ANAPC11: variants seen among roughly 807,000 people sequenced by gnomAD.
ANAPC11 encodes the protein anaphase promoting complex subunit 11.
Under a neutral mutation model 11.8 loss-of-function variants are expected in ANAPC11, and 5 were observed. That is an observed-to-expected ratio of 0.42 (90% CI 0.22 to 0.89). The LOEUF is 0.89. Ranked by LOEUF, ANAPC11 falls within the 40% of genes least tolerant of loss-of-function variation. The probability of loss-of-function intolerance (pLI) is 0.28; values close to 1 mark genes in which losing one functional copy is unlikely to be tolerated. For missense variants in ANAPC11, 68 were observed against 112.9 expected (o/e 0.60, Z 1.80); for synonymous variants, 45 against 41.0 (o/e 1.10, Z -0.38).
chr17:81,899,235 G>C (rs773005506), intron 3 of ANAPC11: 8 of 1,609,724 alleles, frequency 5.0e-6, no homozygotes, highest in African/African-American at 1.3e-5. Flanking sequence ...ATCCCTCTCT[G>C]TGTCAGGTCC....
upstream of ANAPC11, chr17:81,890,800 C>T (rs371512387): frequency 8.7e-6 from 14 of 1,614,032 alleles, no homozygotes; most frequent in Admixed American, 1.7e-4. Flanking sequence ...CGTGCTGCCA[C>T]TTGTCGGGAA....
intron 3 of ANAPC11, among the ~76,000 whole-genome samples, chr17:81,895,613 G>A (rs922175265): frequency 1.3e-4 from 20 of 152,062 alleles, no homozygotes; most frequent in Non-Finnish European, 2.9e-4. Context: ...GATGGAGGCC[G>A]GCACGGTGGC....
chr17:81,894,901 A>AGAGAC (rs1486984894), intron 3 of ANAPC11: 1 of 279,836 alleles, frequency 3.6e-6, no homozygotes, highest in African/African-American at 2.2e-5. Flanking sequence ...TATTTTTAGT[A>AGAGAC]GAGACGGGGT....
At chr17:81,893,222 A>G (rs955127904) in intron 1 of ANAPC11, 3 of 152,108 alleles carry the variant, frequency 2.0e-5, no homozygotes, top group Non-Finnish European at 4.4e-5. Context: ...CCTCCCGAGT[A>G]GCTGGGATTA....
intron 3 of ANAPC11, among the ~76,000 whole-genome samples, chr17:81,896,058 C>G (rs1044223786): frequency 2.0e-5 from 3 of 152,220 alleles, no homozygotes; most frequent in Non-Finnish European, 4.4e-5. Flanking sequence ...CCAAGGCAGG[C>G]GGATTGCTTC....
chr17:81,891,653 C>T (rs955582034), upstream of ANAPC11: 1 of 1,257,224 alleles, frequency 8.0e-7, no homozygotes, highest in South Asian at 1.6e-5. Flanking sequence ...GTGCCACGGC[C>T]TCGGAGCGGC....
Position 81,894,622 on chromosome 17 carries a change from A to C in ANAPC11, c.109+36A>C, listed in dbSNP as rs1212195224. 2.1e-6 allele frequency: 3 copies of C among 1,452,158 alleles called. No homozygotes were observed. In the South Asian group the frequency reaches 3.6e-5, roughly 17 times the overall value. 90.0% of individuals were successfully genotyped at this position (1,452,158 alleles called of 1,614,324 possible). On this transcript the variant is annotated intron_variant, in intron 3 of 3. Coordinates refer to ENST00000344877, the MANE Select transcript of ANAPC11 (RefSeq NM_001002248.3). ...CCTCCATGCTGTCTGAGCGGCCCCGACTGTGAGTGTCCCCTCTGTGCTGTC... is the reference window on the plus strand; with the variant it reads ...CCTCCATGCTGTCTGAGCGGCCCCGCCTGTGAGTGTCCCCTCTGTGCTGTC...
At position 81,896,432 on chromosome 17, in the gene ANAPC11, G is replaced by T. The variant is rs377165824; in HGVS notation, c.109+1846G>T. Among the ~76,000 whole-genome samples the T allele has an allele frequency of 7.2e-5, 11 of 152,054 alleles. No homozygotes were observed. In the East Asian group the frequency reaches 1.5e-3, roughly 21 times the overall value. ...AGTGAAACTCCATCTCAAAAAAAAA[G>T]AAAAAAAGTGGAAATGTTTGATTAT... On this transcript the variant is annotated intron_variant, in intron 3 of 3. Coordinates refer to ENST00000344877, the MANE Select transcript of ANAPC11 (RefSeq NM_001002248.3).
Position 81,900,174 on chromosome 17 carries a change from G to C in ANAPC11, c.*109G>C. On this transcript the variant is annotated 3_prime_UTR_variant, in exon 4 of 4. Transcript: ENST00000344877. Reference sequence around the variant, plus strand: ...GAGCTGCAACAAGGTGGAAACAAGGGCTGGAGCTGCGTTTGTTTTGCCATC... The same window carrying C: ...GAGCTGCAACAAGGTGGAAACAAGGCCTGGAGCTGCGTTTGTTTTGCCATC... The C allele has an allele frequency of 6.7e-7, 1 of 1,502,848 alleles. No individual in the cohort carries two copies. The highest frequency in any genetic ancestry group is 9.0e-7 in the Non-Finnish European group (1 of 1,112,976). 93.1% of individuals were successfully genotyped at this position (1,502,848 alleles called of 1,614,324 possible).
intron 3 of ANAPC11, chr17:81,899,092 A>G (rs977290614): frequency 2.4e-6 from 2 of 849,934 alleles, no homozygotes; most frequent in Admixed American, 2.8e-5. Context: ...CAGCTCCACA[A>G]TGCCAGGCCG....
upstream of ANAPC11, chr17:81,891,610 C>A (rs759148441): frequency 1.5e-6 from 2 of 1,370,196 alleles, no homozygotes; most frequent in South Asian, 2.7e-5. Context: ...AGCACGCCGG[C>A]ACGTCACTTC....
rs575613263 is a variant in ANAPC11, at chr17:81,894,296, C to T, written c.-11-171C>T. On this transcript the variant is annotated intron_variant, in intron 2 of 3. Transcript: ENST00000344877. The stretch of plus-strand genomic sequence containing the variant: ...AAAGTAAAATAAAATAGAAACAGGG[C>T]TCACGATGTTTCCCAGGCTGGGTTC... 23 of 402,702 alleles carry T rather than the reference C, an allele frequency of 5.7e-5. No homozygotes were observed. The South Asian group carries it at 2.4e-3, about 42-fold the overall frequency. 24.9% of individuals were successfully genotyped at this position (402,702 alleles called of 1,614,324 possible).
intron 3 of ANAPC11, 88 bp from the exon 4 acceptor site, chr17:81,899,832 G>A: frequency 1.5e-6 from 2 of 1,352,632 alleles, no homozygotes; most frequent in Non-Finnish European, 2.0e-6. Context: ...CACTGCCCAG[G>A]GTCCCTACCT....
At chr17:81,899,697 G>T in intron 3 of ANAPC11, 1 of 1,029,982 alleles carries the variant, frequency 9.7e-7, no homozygotes, top group South Asian at 1.7e-5. Context: ...CCGGGTGGAG[G>T]CCGCATGTCC....
intron 3 of ANAPC11, chr17:81,899,440 C>A (rs1205911709): frequency 1.2e-6 from 2 of 1,614,016 alleles, no homozygotes; most frequent in Non-Finnish European, 1.7e-6. Context: ...GATCAAGAGA[C>A]CAGTTCACTA....
chr17:81,899,829 C>T (rs761478492), intron 3 of ANAPC11, 91 bp from the exon 4 acceptor site: 28 of 1,325,066 alleles, frequency 2.1e-5, no homozygotes, highest in Non-Finnish European at 2.9e-5. Context: ...AGCCACTGCC[C>T]AGGGTCCCTA....
At chr17:81,891,129 G>C (rs1272351925), upstream of ANAPC11, 1 of 610,748 alleles carries the variant, frequency 1.6e-6, no homozygotes, top group African/African-American at 1.9e-5. Context: ...TCAGCCTCCG[G>C]GACCGGACCC....
chr17:81,890,861 A>C (rs2039508146), upstream of ANAPC11: 1 of 1,613,142 alleles, frequency 6.2e-7, no homozygotes, highest in Non-Finnish European at 8.5e-7. Flanking sequence ...TGTGAGTCTC[A>C]GTCCAGGGCT....
intron 3 of ANAPC11, chr17:81,899,719 G>A: frequency 1.0e-6 from 1 of 953,068 alleles, no homozygotes; most frequent in Non-Finnish European, 1.5e-6. Context: ...GTGTCCCTTG[G>A]TCATTGCTGG....
Sources: allele counts gnomAD v4.1 joint callset (sites outside exome capture counted in the v4.1 genomes callset), GRCh38; gene constraint gnomAD v4.1.1; transcripts MANE v1.5; gene names NCBI Gene and HGNC (gene_info 2026-07-23, HGNC 2026-07-21).